Variants in RELN observed in about 807,000 individuals in gnomAD.
RELN encodes the protein reelin.
In RELN, 108 loss-of-function variants were observed where a neutral mutation model predicts 427.6. That is an observed-to-expected ratio of 0.25 (90% confidence interval 0.22 to 0.30). RELN has a LOEUF of 0.30. RELN is among the 10% of genes least tolerant of loss of function. The pLI is 1.00. For missense variants in RELN, 3,715 were observed against 4,302.8 expected (o/e 0.86, Z 3.82); for synonymous variants, 1,524 against 1,513.4 (o/e 1.01, Z -0.16).
rs1452060313 is a variant in RELN at position 103,635,465 on chromosome 7, G to A, written c.2425C>T (p.Leu809Phe). Residue 809 changes from leucine to phenylalanine, a missense_variant, in exon 19 of 65, where the codon CTC becomes TTC. By Grantham distance (22) the Leu-to-Phe change is conservative. Transcript: ENST00000428762. The part of the protein sequence containing the change: ...YSYDNGITWK[L>F]LEHYSYLSYH... ...CTGAGATATGAATAATGCTCCAGGA[G>A]TTTCCAAGTTATCCCATTATCATAA... 15 of 1,613,856 alleles carry A rather than the reference G, an allele frequency of 9.3e-6. No homozygotes were observed. The highest frequency in any genetic ancestry group is 1.3e-5 in the Non-Finnish European group (15 of 1,179,944).
Position 103,495,844 on chromosome 7 carries a change from G to C in RELN, c.9248C>G (p.Ala3083Gly), listed in dbSNP as rs1828825003. The C allele has an allele frequency of 6.2e-7, 1 of 1,613,882 alleles. No individual in the cohort carries two copies. The highest frequency in any genetic ancestry group is 8.5e-7 in the Non-Finnish European group (1 of 1,179,920). The change falls in exon 57 of 65, where the codon GCA becomes GGA. Residue 3083 changes from alanine (A) to glycine (G), a missense_variant. Physicochemically the swap from Ala to Gly is moderately conservative, Grantham distance 60. Around this residue, in one of 4 missense-constraint regions of RELN, gnomAD observed 1,310 missense variants for 1,643.0 expected, o/e 0.80. Coordinates refer to ENST00000428762, the MANE Select transcript of RELN (RefSeq NM_005045.4). ...WSFYPNAVRTAGFCGNPSFHL... is the reference protein window; with the variant it reads ...WSFYPNAVRTGGFCGNPSFHL... Reference sequence around the variant, plus strand: ...AAAGGATGGATTGCCACAAAATCCTGCTGTCCTTACAGCATTAGGGTAAAA... The same window carrying C: ...AAAGGATGGATTGCCACAAAATCCTCCTGTCCTTACAGCATTAGGGTAAAA...
chr7:103,600,520 C>T (rs952900636), intron 24 of RELN, among the ~76,000 whole-genome samples: 3 of 152,114 alleles, frequency 2.0e-5, no homozygotes, highest in Admixed American at 2.0e-4. Context: ...ATCGGGTCTA[C>T]TCTCAAGGGG....
chr7:103,787,108 T>C (rs541898825), intron 3 of RELN, among the ~76,000 whole-genome samples: 25 of 152,092 alleles, frequency 1.6e-4, no homozygotes, highest in African/African-American at 6.0e-4. Context: ...ACTGGGTAAA[T>C]AACGAAATTA....
At chr7:103,801,898 T>C (rs551437747) in intron 3 of RELN, among the ~76,000 whole-genome samples, 24 of 152,264 alleles carry the variant, frequency 1.6e-4, no homozygotes, top group African/African-American at 5.8e-4. Context: ...TAGTAGTAAT[T>C]AGTAGTACTA....
intron 57 of RELN, among the ~76,000 whole-genome samples, chr7:103,492,265 A>G (rs1828699487): frequency 6.6e-6 from 1 of 152,224 alleles, no homozygotes; most frequent in Admixed American, 6.5e-5. Context: ...AAATTAGTAT[A>G]ATAAAAAATT....
intron 2 of RELN, among the ~76,000 whole-genome samples, chr7:103,857,347 C>T (rs2116481245): frequency 6.6e-6 from 1 of 152,314 alleles, no homozygotes; most frequent in Non-Finnish European, 1.5e-5. Flanking sequence ...CAATCACATT[C>T]CTTGAAAGGC....
At chr7:103,741,520 C>G (rs948453763) in intron 6 of RELN, among the ~76,000 whole-genome samples, 1 of 150,678 alleles carries the variant, frequency 6.6e-6, no homozygotes, top group Non-Finnish European at 1.5e-5. Context: ...AAGGGATAGT[C>G]TAATGTACAA....
intron 4 of RELN, among the ~76,000 whole-genome samples, chr7:103,768,936 GCTAT>G (rs1194837297): frequency 6.6e-6 from 1 of 152,122 alleles, no homozygotes; most frequent in Non-Finnish European, 1.5e-5. Flanking sequence ...GGAAATGTGT[GCTAT>G]CTCTTTACAA....
intron 2 of RELN, among the ~76,000 whole-genome samples, chr7:103,879,017 G>T: frequency 6.6e-6 from 1 of 152,168 alleles, no homozygotes; most frequent in Non-Finnish European, 1.5e-5. Flanking sequence ...CAATGCAAAG[G>T]AAAACAGACA....
Position 103,563,081 on chromosome 7 carries a change from C to A in RELN, c.5211-1128G>T, listed in dbSNP as rs1830675711. Among the ~76,000 whole-genome samples the A allele has an allele frequency of 6.6e-6, 1 of 152,194 alleles. No individual in the cohort carries two copies. On this transcript the variant is annotated intron_variant, in intron 34 of 64. Transcript: ENST00000428762. This position sits in a 1 kb window ranked among gnomAD's most constrained non-coding sequence, Gnocchi z 4.1. Reference sequence around the variant, plus strand: ...GAGTCAGCTGAGACATCAACTCCTTCAGAAAGCTCCCTCCAGTTCTCCCCA... The same window carrying A: ...GAGTCAGCTGAGACATCAACTCCTTAAGAAAGCTCCCTCCAGTTCTCCCCA...
intron 46 of RELN, among the ~76,000 whole-genome samples, chr7:103,529,961 T>C (rs1018854019): frequency 1.3e-5 from 2 of 152,190 alleles, no homozygotes; most frequent in African/African-American, 2.4e-5. Context: ...ATCTTCTCTC[T>C]GCCTGAATCC....
chr7:103,776,116 G>A (rs570625252), intron 4 of RELN, among the ~76,000 whole-genome samples: 1 of 152,266 alleles, frequency 6.6e-6, no homozygotes, highest in African/African-American at 2.4e-5. Context: ...ACACAAGTCC[G>A]AAATTAATAG....
intron 4 of RELN, 45 bp from the exon 5 acceptor site, chr7:103,753,259 A>G (rs1462840669): frequency 1.2e-6 from 2 of 1,605,076 alleles, no homozygotes; most frequent in Non-Finnish European, 1.7e-6. Context: ...TCAGGAATGA[A>G]AGCAAAATCC....
In RELN at chr7:103,879,303, A is replaced by T. The variant is rs376825218; in HGVS notation, c.337+37772T>A. On this transcript the variant is annotated intron_variant, in intron 2 of 64. Transcript: ENST00000428762. ...AAGTGCTTAGCACAATACCTGAAAC[A>T]AGTGTTAGCAACCTTAATCATATTG... Among the ~76,000 whole-genome samples, 3 of 152,182 alleles carry T rather than the reference A, an allele frequency of 2.0e-5. No individual in the cohort carries two copies. The East Asian group carries it at 5.8e-4, about 29-fold the overall frequency.
chr7:103,926,099 C>CTTTTTTTTT lies in RELN; in HGVS notation c.227-8923_227-8915dup, dbSNP rs55899563. On this transcript the variant is annotated intron_variant, in intron 1 of 64. Coordinates refer to ENST00000428762, the MANE Select transcript of RELN (RefSeq NM_005045.4). The stretch of plus-strand genomic sequence containing the variant: ...CATAAATATATGACCCCCACCCCGC[C>CTTTTTTTTT]TTTTTTTTTTTTTTTTTTTTGAGAT... 2.6e-3 allele frequency among the ~76,000 whole-genome samples: 237 copies of CTTTTTTTTT among 90,076 alleles called. 11 individuals carry two copies. The highest frequency in any genetic ancestry group is 3.2e-3 in the Non-Finnish European group (154 of 48,824). The allele number at this position is 90,076 out of a possible 152,430, so 59.1% of individuals were successfully genotyped here. A position where few individuals can be genotyped will look rare whatever the true frequency, so the allele number is the denominator to read the frequency against.
At chr7:103,621,914 G>T (rs1164790274) in intron 20 of RELN, among the ~76,000 whole-genome samples, 1 of 152,154 alleles carries the variant, frequency 6.6e-6, no homozygotes, top group African/African-American at 2.4e-5. Flanking sequence ...TACTCAGGTG[G>T]CTGAGGCACG....
At chr7:103,880,079 C>T (rs77905143) in intron 2 of RELN, among the ~76,000 whole-genome samples, 4 of 152,064 alleles carry the variant, frequency 2.6e-5, no homozygotes, top group Non-Finnish European at 5.9e-5. Context: ...AAAATACCAT[C>T]ATTCTGCCCA....
chr7:103,523,331 T>A, intron 47 of RELN, 60 bp downstream of exon 47: 1 of 1,601,130 alleles, frequency 6.2e-7, no homozygotes, highest in South Asian at 1.1e-5. Flanking sequence ...TACAGAAAAA[T>A]CTCCTAGATG....
At chr7:103,666,318 G>A (rs986022387) in intron 11 of RELN, among the ~76,000 whole-genome samples, 13 of 151,990 alleles carry the variant, frequency 8.6e-5, no homozygotes, top group Admixed American at 2.0e-4. Flanking sequence ...GCAATCTACC[G>A]ATGTTGGCCT....
Sources: allele counts gnomAD v4.1 joint callset (sites outside exome capture counted in the v4.1 genomes callset), GRCh38; gene constraint gnomAD v4.1.1; regional missense constraint gnomAD v4.1.1; non-coding constraint Gnocchi (gnomAD v3.1); transcripts MANE v1.5; gene names NCBI Gene and HGNC (gene_info 2026-07-23, HGNC 2026-07-21).